MTMR14: variants seen among roughly 807,000 people sequenced by gnomAD.
MTMR14 encodes phosphatidylinositol-3,5-bisphosphate 3-phosphatase MTMR14.
Under a neutral mutation model 86.3 loss-of-function variants are expected in MTMR14, and 48 were observed. That is an observed-to-expected ratio of 0.56 (90% CI 0.44 to 0.71). The LOEUF (loss-of-function observed/expected upper bound fraction) is 0.71. Among genes scored for constraint, MTMR14 ranks in the 30% least tolerant of loss-of-function variants. The probability of loss-of-function intolerance (pLI) is 0.00; values close to 1 mark genes in which losing one functional copy is unlikely to be tolerated. For synonymous variants in MTMR14, 366 were observed against 326.1 expected (o/e 1.12, Z -1.32); for missense variants, 780 against 834.6 (o/e 0.93, Z 0.81).
intron 2 of MTMR14, among the ~76,000 whole-genome samples, chr3:9,660,486 C>G (rs2047867959): frequency 6.6e-6 from 1 of 152,162 alleles, no homozygotes; most frequent in African/African-American, 2.4e-5. Context: ...GTTTTGAACT[C>G]CCAACCTCAA....
rs11918957 is a variant in MTMR14 at position 9,688,847 on chromosome 3, T to G, written c.1294+93T>G. The G allele has an allele frequency of 3.6e-4, 542 of 1,526,202 alleles. 2 individuals carry two copies. The African/African-American group carries it at 6.4e-3, about 18-fold the overall frequency. The allele number at this position is 1,526,202 out of a possible 1,614,324, so 94.5% of individuals were successfully genotyped here. ...CTGTTTGTGCTAAGAGGTTTTTTGTTTTTTTTTTTTTCTTCCCAGTTATGT... is the reference window on the plus strand; with the variant it reads ...CTGTTTGTGCTAAGAGGTTTTTTGTGTTTTTTTTTTTCTTCCCAGTTATGT... On this transcript the variant is annotated intron_variant, in intron 15 of 18. Transcript: ENST00000296003.
intron 13 of MTMR14, among the ~76,000 whole-genome samples, chr3:9,686,079 G>C (rs1206869328): frequency 1.3e-5 from 2 of 152,124 alleles, no homozygotes; most frequent in African/African-American, 4.8e-5. Context: ...TCATGGGGCT[G>C]CTTCCTTCCT....
Position 9,671,223 on chromosome 3 carries a change from C to T in MTMR14, c.677+53C>T, listed in dbSNP as rs1167386029. The T allele has an allele frequency of 1.9e-6, 3 of 1,612,704 alleles. No homozygotes were observed. In the Admixed American group the frequency reaches 5.0e-5, roughly 27 times the overall value. On this transcript the variant is annotated intron_variant, in intron 6 of 18. Transcript: ENST00000296003. ...AGCAGAGGCAGTGTGTACAGATTTGCAGGGCTGGCGTTAGTATGTAGCTGT... is the reference window on the plus strand; with the variant it reads ...AGCAGAGGCAGTGTGTACAGATTTGTAGGGCTGGCGTTAGTATGTAGCTGT...
At chr3:9,656,669 A>G (rs2047625950) in intron 2 of MTMR14, among the ~76,000 whole-genome samples, 2 of 152,112 alleles carry the variant, frequency 1.3e-5, no homozygotes, top group Admixed American at 6.6e-5. Flanking sequence ...TCCGCCTGCC[A>G]TGGCCTCCCA....
chr3:9,653,177 G>A (rs1381977928), intron 1 of MTMR14, among the ~76,000 whole-genome samples: 1 of 152,264 alleles, frequency 6.6e-6, no homozygotes, highest in Non-Finnish European at 1.5e-5. Flanking sequence ...GGAGGCTGCA[G>A]TGAGCTGAGA....
At chr3:9,649,855 A>G in intron 1 of MTMR14, 113 bp downstream of exon 1, 1 of 1,550,462 alleles carries the variant, frequency 6.4e-7, no homozygotes, top group South Asian at 1.2e-5. Flanking sequence ...CCGCTGAGGA[A>G]GAGGAGAGAG....
In MTMR14 at chr3:9,687,883, G is replaced by A. The variant is rs1266302204; in HGVS notation, c.1227G>A (p.Lys409=). 8 of 1,587,926 alleles carry A rather than the reference G, an allele frequency of 5.0e-6. No individual in the cohort carries two copies. Among genetic ancestry groups the A allele is most frequent in the South Asian group, 4.6e-5 (4 of 87,912 alleles). The change falls in exon 14 of 19, where the codon AAG becomes AAA. Residue 409 remains lysine (K), a synonymous_variant. Coordinates refer to ENST00000296003, the MANE Select transcript of MTMR14 (RefSeq NM_001077525.3). ...HITSEEFSAL[K]TQRRKSLPAR... is the part of the protein sequence containing the mutation. ...CCTCCGAGGAGTTCTCTGCTCTGAA[G>A]ACCCAGAGGTAAGTGGAGGCCTGCA...
chr3:9,688,560 A>G, intron 14 of MTMR14, 136 bp from the exon 15 acceptor site: 1 of 951,748 alleles, frequency 1.1e-6, no homozygotes, highest in Non-Finnish European at 1.7e-6. Flanking sequence ...GTCTTATAAC[A>G]CTCCCTAGGC....
At chr3:9,650,827 G>A (rs879697006) in intron 1 of MTMR14, among the ~76,000 whole-genome samples, 1 of 148,016 alleles carries the variant, frequency 6.8e-6, no homozygotes, top group Non-Finnish European at 1.5e-5. Flanking sequence ...TCGCTTTGTC[G>A]CCTAGGCTGG....
At chr3:9,684,794 T>A (rs1005906268) in intron 11 of MTMR14, 94 bp from the exon 12 acceptor site, 1 of 1,543,696 alleles carries the variant, frequency 6.5e-7, no homozygotes, top group Admixed American at 1.7e-5. Flanking sequence ...TCCTTCCGGG[T>A]GTTCTTCAGC....
intron 7 of MTMR14, chr3:9,675,528 A>G: frequency 2.2e-6 from 1 of 456,446 alleles, no homozygotes; most frequent in Non-Finnish European, 4.4e-6. Context: ...GTATTCTGGG[A>G]TCGTTTCTTT....
rs969942772 is a variant in MTMR14 at position 9,677,141 on chromosome 3, G to A, written c.752-176G>A. Among the ~76,000 whole-genome samples the A allele has an allele frequency of 6.6e-6, 1 of 151,714 alleles. No individual in the cohort carries two copies. Among genetic ancestry groups the A allele is most frequent in the South Asian group, 2.1e-4 (1 of 4,818 alleles). On this transcript the variant is annotated intron_variant, in intron 7 of 18. Transcript: ENST00000296003. The surrounding 1 kb of genome is among the most constrained non-coding windows in gnomAD (Gnocchi z 4.2). ...GAAACCAGAGGGGCTCTAGAGGCTC[G>A]CCCCTGGCTTTTGCCCACCCGTGTC...
Position 9,669,438 on chromosome 3 carries a change from C to T in MTMR14, c.500C>T (p.Ala167Val), listed in dbSNP as rs894251787. Reference sequence around the variant, plus strand: ...AGATAGGTTTCTCTGGCAGGGGGTGCAGATGATGCCTGGGCAGATGTGGAG... The same window carrying T: ...AGATAGGTTTCTCTGGCAGGGGGTGTAGATGATGCCTGGGCAGATGTGGAG... The part of the protein sequence containing the change: ...SGYNYFFSGG[A>V]DDAWADVEDV... Residue 167 changes from alanine (A) to valine (V), a missense_variant, in exon 5 of 19, where the codon GCA becomes GTA. Transcript: ENST00000296003. 23 of 1,613,826 alleles carry T rather than the reference C, an allele frequency of 1.4e-5. No individual in the cohort carries two copies. Among genetic ancestry groups the T allele is most frequent in the Non-Finnish European group, 1.9e-5 (22 of 1,179,844 alleles).
In MTMR14 at chr3:9,690,008, G is replaced by A. The variant is rs201206576; in HGVS notation, c.1478G>A (p.Arg493Gln). 3.2e-5 allele frequency: 52 copies of A among 1,611,978 alleles called. No homozygotes were observed. The highest frequency in any genetic ancestry group is 2.5e-4 in the African/African-American group (19 of 75,006). Reference protein sequence around the residue: ...SSSPQSVLWNRPQPSEDRLPS... With the variant: ...SSSPQSVLWNQPQPSEDRLPS... ...TCTCCACAGAGTGTCCTCTGGAACCGGCCACAACCCTCAGAGGACCGCTTG... is the reference window on the plus strand; with the variant it reads ...TCTCCACAGAGTGTCCTCTGGAACCAGCCACAACCCTCAGAGGACCGCTTG... Residue 493 changes from arginine (R) to glutamine (Q), a missense_variant, in exon 17 of 19, where the codon CGG (arginine) becomes CAG (glutamine). Physicochemically the swap from Arg to Gln is conservative, Grantham distance 43 (BLOSUM62 1). Transcript: ENST00000296003.
intron 13 of MTMR14, among the ~76,000 whole-genome samples, chr3:9,685,808 G>T (rs926339675): frequency 1.3e-5 from 2 of 152,000 alleles, no homozygotes; most frequent in Non-Finnish European, 2.9e-5. Flanking sequence ...CATCCTGTCG[G>T]CCACTCTCCG....
chr3:9,686,027 C>A (rs2075938535), intron 13 of MTMR14, among the ~76,000 whole-genome samples: 1 of 152,190 alleles, frequency 6.6e-6, no homozygotes, highest in Non-Finnish European at 1.5e-5. Context: ...TTGGCCCCCA[C>A]TCCCCCATTT....
chr3:9,686,553 C>T lies in MTMR14; in HGVS notation c.1165-1268C>T, dbSNP rs558644445. Among the ~76,000 whole-genome samples, 6 of 152,336 alleles carry T rather than the reference C, an allele frequency of 3.9e-5. No homozygotes were observed. The South Asian group carries it at 6.2e-4, about 16-fold the overall frequency. On this transcript the variant is annotated intron_variant, in intron 13 of 18. Transcript: ENST00000296003. The stretch of plus-strand genomic sequence containing the variant: ...AAACCCCAGGCCTATTAGTTAAACA[C>T]GATTGTGTCGTCTCCCCACCTCACC...
chr3:9,657,387 G>A (rs531425206), intron 2 of MTMR14, among the ~76,000 whole-genome samples: 2 of 152,300 alleles, frequency 1.3e-5, no homozygotes, highest in Admixed American at 1.3e-4. Flanking sequence ...AGTGGTGGTT[G>A]CCTTGTAAAA....
In MTMR14 at chr3:9,662,285, G is replaced by A. The variant is rs2047985948; in HGVS notation, c.327G>A (p.Gln109=). The A allele has an allele frequency of 1.2e-6, 2 of 1,613,082 alleles. No homozygotes were observed. Among genetic ancestry groups the A allele is most frequent in the East Asian group, 2.2e-5 (1 of 44,868 alleles). Residue 109 remains glutamine (Q), a synonymous_variant, in exon 3 of 19, where the codon CAG becomes CAA. Coordinates refer to ENST00000296003, the MANE Select transcript of MTMR14 (RefSeq NM_001077525.3). ...KEKDTFESTV[Q]VSKLQDLIHR... Reference sequence around the variant, plus strand: ...GTGTTAGGTTTGAGAGTACCGTACAGGTGAGCAAGTTGCAAGACCTCATCC... The same window carrying A: ...GTGTTAGGTTTGAGAGTACCGTACAAGTGAGCAAGTTGCAAGACCTCATCC...
Sources: gnomAD v4.1 joint callset for allele counts (sites outside exome capture counted in the v4.1 genomes callset) on GRCh38, gnomAD v4.1.1 for gene constraint, Gnocchi (gnomAD v3.1) non-coding constraint, MANE v1.5 for transcripts, NCBI Gene and HGNC (gene_info 2026-07-23, HGNC 2026-07-21) for gene names.